Variants in MORN4 observed in about 807,000 individuals in gnomAD.
MORN4 encodes MORN repeat containing 4.
MORN4 carries 8 observed loss-of-function variants against 16.4 expected under a neutral mutation model. That is an observed-to-expected ratio of 0.49 (90% confidence interval 0.29 to 0.88). The LOEUF is 0.88. Ranked by LOEUF, MORN4 falls within the 40% of genes least tolerant of loss-of-function variation. The pLI, the probability that MORN4 is intolerant of heterozygous loss-of-function variation, is 0.09. For missense variants in MORN4, 159 were observed against 182.9 expected (o/e 0.87, Z 0.75); for synonymous variants, 53 against 68.9 (o/e 0.77, Z 1.14).
At chr10:97,628,032 A>G (rs2041362768) in intron 1 of MORN4, among the ~76,000 whole-genome samples, 1 of 152,218 alleles carries the variant, frequency 6.6e-6, no homozygotes, top group Non-Finnish European at 1.5e-5. Context: ...GCTTTCCAGT[A>G]CAGACGGGCA....
intron 1 of MORN4, among the ~76,000 whole-genome samples, chr10:97,630,422 A>G (rs2041386880): frequency 6.6e-6 from 1 of 152,220 alleles, no homozygotes; most frequent in Non-Finnish European, 1.5e-5. Flanking sequence ...TACAGCAATA[A>G]TAACTGGAAT....
intron 1 of MORN4, among the ~76,000 whole-genome samples, chr10:97,623,464 A>G (rs1467758828): frequency 6.6e-6 from 1 of 152,162 alleles, no homozygotes; most frequent in Non-Finnish European, 1.5e-5. Context: ...GTCCCCTCTG[A>G]TTAATAAGTA....
At position 97,619,637 on chromosome 10, in the gene MORN4, C is replaced by T. The variant is rs61731937; in HGVS notation, c.17G>A (p.Gly6Asp). ...CTCCCCACTGGAGTAGGTGAAGGAACCTTTTGTCAGGGTCATGGTGACAGA... is the reference window on the plus strand; with the variant it reads ...CTCCCCACTGGAGTAGGTGAAGGAATCTTTTGTCAGGGTCATGGTGACAGA... MTLTK[G>D]SFTYSSGEEY... Residue 6 changes from glycine to aspartate, a missense_variant, in exon 2 of 5, where the codon GGT becomes GAT. Gly to Asp is a moderately conservative substitution (Grantham distance 94). Coordinates refer to ENST00000307450, the MANE Select transcript of MORN4 (RefSeq NM_178832.4). The T allele has an allele frequency of 1.9e-5, 30 of 1,614,050 alleles. No individual in the cohort carries two copies. The East Asian group carries it at 2.0e-4, about 11-fold the overall frequency.
At position 97,633,461 on chromosome 10, in the gene MORN4, G is replaced by C. The variant is rs775051555; in HGVS notation, c.-145C>G. On this transcript the variant is annotated 5_prime_UTR_variant, in exon 1 of 5. It adds an upstream start codon to the 5' untranslated region. Transcript: ENST00000307450. The surrounding 1 kb of genome is among the most constrained non-coding windows in gnomAD (Gnocchi z 4.5). ...CTTGCTCTCCGCCACCTCCACCAGCGATTGCCCCACTTGACGCCGCCATCC... is the reference window on the plus strand; with the variant it reads ...CTTGCTCTCCGCCACCTCCACCAGCCATTGCCCCACTTGACGCCGCCATCC... 4.7e-6 allele frequency: 6 copies of C among 1,289,806 alleles called. No homozygotes were observed. In the East Asian group the frequency reaches 2.8e-4, roughly 60 times the overall value. The allele number at this position is 1,289,806 out of a possible 1,614,324, so 79.9% of individuals were successfully genotyped here.
rs2041413865 is a variant in MORN4, at chr10:97,633,346, C to A, written c.-31+1G>T. The A allele has an allele frequency of 7.8e-7, 1 of 1,289,546 alleles. No homozygotes were observed. The highest frequency in any genetic ancestry group is 1.5e-5 in the African/African-American group (1 of 65,890). 79.9% of individuals were successfully genotyped at this position (1,289,546 alleles called of 1,614,324 possible). On this transcript the variant is annotated splice_donor_variant, in intron 1 of 4. Coordinates refer to ENST00000307450, the MANE Select transcript of MORN4 (RefSeq NM_178832.4). LOFTEE classifies it low-confidence loss of function (5UTR_SPLICE). The surrounding 1 kb of genome is among the most constrained non-coding windows in gnomAD (Gnocchi z 4.5). Reference sequence around the variant, plus strand: ...CCCTCCCTCCTGCGCCTCCAGCCAACCTGGGGCCGGCCTTTCGGGATGACC... The same window carrying A: ...CCCTCCCTCCTGCGCCTCCAGCCAAACTGGGGCCGGCCTTTCGGGATGACC...
Position 97,615,167 on chromosome 10 carries a change from G to A in MORN4, c.*1096C>T, listed in dbSNP as rs2041225282. ...AAGACAGCCTGTCTTCTAAAGGGAG[G>A]AGGAAATAGCACTCTTACCGAATCC... On this transcript the variant is annotated 3_prime_UTR_variant, in exon 5 of 5. Coordinates refer to ENST00000307450, the MANE Select transcript of MORN4 (RefSeq NM_178832.4). 1 of 152,592 alleles carries A rather than the reference G, an allele frequency of 6.6e-6. No individual in the cohort carries two copies. Among genetic ancestry groups the A allele is most frequent in the Non-Finnish European group, 1.5e-5 (1 of 68,052 alleles). The allele number at this position is 152,592 out of a possible 1,614,324, so 9.5% of individuals were successfully genotyped here.
chr10:97,619,546 T>C, intron 2 of MORN4, 41 bp downstream of exon 2: 1 of 1,425,050 alleles, frequency 7.0e-7, no homozygotes. Context: ...CTCCAGCAAA[T>C]GAAGTGTTCA....
At chr10:97,617,861 AAAAC>A (rs894435432) in intron 2 of MORN4, among the ~76,000 whole-genome samples, 13 of 151,852 alleles carry the variant, frequency 8.6e-5, no homozygotes, top group African/African-American at 2.4e-4. Context: ...TCCGTCTCAA[AAAAC>A]AAACAAACAA....
chr10:97,615,756 A>T lies in MORN4; in HGVS notation c.*507T>A, dbSNP rs1393614669. On this transcript the variant is annotated 3_prime_UTR_variant, in exon 5 of 5. Transcript: ENST00000307450. ...AAAATAAAATAATAATAATAATAAT[A>T]AAAAAATTAAAAAAGAAAAGCTCTG... The T allele has an allele frequency of 6.6e-6, 1 of 151,534 alleles. No individual in the cohort carries two copies. Among genetic ancestry groups the T allele is most frequent in the African/African-American group, 2.4e-5 (1 of 41,370 alleles). 9.4% of individuals were successfully genotyped at this position (151,534 alleles called of 1,614,324 possible). A position where few individuals can be genotyped will look rare whatever the true frequency, so the allele number is the denominator to read the frequency against.
chr10:97,629,256 C>T lies in MORN4; in HGVS notation c.-31+4091G>A, dbSNP rs532395933. Among the ~76,000 whole-genome samples, 419 of 152,142 alleles carry T rather than the reference C, an allele frequency of 2.8e-3. 3 individuals carry two copies. Among genetic ancestry groups the T allele is most frequent in the African/African-American group, 9.8e-3 (405 of 41,522 alleles). ...TACAAAATTAGCTGGGTGTGGTGGC[C>T]CATGCCTGTAATCCCAGCTACTTGG... On this transcript the variant is annotated intron_variant, in intron 1 of 4. Transcript: ENST00000307450.
chr10:97,631,750 G>A (rs572496392), intron 1 of MORN4, among the ~76,000 whole-genome samples: 23 of 152,170 alleles, frequency 1.5e-4, no homozygotes, highest in Admixed American at 3.9e-4. Flanking sequence ...GCTGGGAAAC[G>A]TAGTGAGACC....
At position 97,628,972 on chromosome 10, in the gene MORN4, T is replaced by G. The variant is rs555861950; in HGVS notation, c.-31+4375A>C. 6.2e-4 allele frequency among the ~76,000 whole-genome samples: 94 copies of G among 152,382 alleles called. 4 individuals are homozygous for G. In the South Asian group the frequency reaches 0.019, roughly 31 times the overall value. ...TTCCAAGATGTTTGCAACAGTATCT[T>G]CTGTCTTACATGTTTGTCTACAATT... On this transcript the variant is annotated intron_variant, in intron 1 of 4. Transcript: ENST00000307450.
Position 97,617,267 on chromosome 10 carries a change from A to AC in MORN4, c.122dup (p.His42SerfsTer3). On this transcript the variant is annotated frameshift_variant, in exon 3 of 5. Transcript: ENST00000307450. LOFTEE classifies it high-confidence loss of function. ...CATTAAAGAGCCCATTCTCAAAATG[A>AC]CCCAGGTAGGTGCCACCATCTGCAA... The AC allele has an allele frequency of 6.2e-7, 1 of 1,614,196 alleles. No homozygotes were observed.
At chr10:97,616,526 A>T in intron 4 of MORN4, 115 bp from the exon 5 acceptor site, 1 of 1,297,486 alleles carries the variant, frequency 7.7e-7, no homozygotes, top group Non-Finnish European at 1.1e-6. Flanking sequence ...TCCCAGCTCT[A>T]CTCAGGAGTA....
rs149268788 is a variant in MORN4, at chr10:97,628,711, T to C, written c.-31+4636A>G. Reference sequence around the variant, plus strand: ...CACGGCCAGCTAATTTTCATATTTTTAGTAGAGATGGGGTTTCACTATGTT... The same window carrying C: ...CACGGCCAGCTAATTTTCATATTTTCAGTAGAGATGGGGTTTCACTATGTT... On this transcript the variant is annotated intron_variant, in intron 1 of 4. Transcript: ENST00000307450. 2.8e-3 allele frequency among the ~76,000 whole-genome samples: 432 copies of C among 152,270 alleles called. 3 individuals are homozygous for C. The highest frequency in any genetic ancestry group is 9.9e-3 in the African/African-American group (412 of 41,564).
At chr10:97,621,893 T>G (rs980676639) in intron 1 of MORN4, among the ~76,000 whole-genome samples, 7 of 152,094 alleles carry the variant, frequency 4.6e-5, no homozygotes, top group African/African-American at 9.7e-5. Flanking sequence ...GTTTATTTAT[T>G]CCTCCACCTG....
intron 1 of MORN4, among the ~76,000 whole-genome samples, chr10:97,623,982 C>T (rs192955712): frequency 6.0e-4 from 92 of 152,102 alleles, no homozygotes; most frequent in African/African-American, 1.9e-3. Context: ...GTGATCCGCC[C>T]GCCTTGGCCT....
intron 1 of MORN4, among the ~76,000 whole-genome samples, chr10:97,622,147 A>C (rs2041302735): frequency 6.6e-6 from 1 of 152,148 alleles, no homozygotes; most frequent in Admixed American, 6.6e-5. Context: ...CCCGGCCCCA[A>C]ACTAGCGACC....
At position 97,616,181 on chromosome 10, in the gene MORN4, C is replaced by T; in HGVS notation, c.*82G>A. 1 of 1,394,400 alleles carries T rather than the reference C, an allele frequency of 7.2e-7. No homozygotes were observed. The highest frequency in any genetic ancestry group is 9.6e-7 in the Non-Finnish European group (1 of 1,043,698). 86.4% of individuals were successfully genotyped at this position (1,394,400 alleles called of 1,614,324 possible). A position where few individuals can be genotyped will look rare whatever the true frequency, so the allele number is the denominator to read the frequency against. On this transcript the variant is annotated 3_prime_UTR_variant, in exon 5 of 5. Transcript: ENST00000307450. ...CACTGTCATTGTCAACTCATCTCAG[C>T]TCTGATTCATTTGTTCACCTCGAAT...
Sources: gnomAD v4.1 joint callset for allele counts (sites outside exome capture counted in the v4.1 genomes callset) on GRCh38, gnomAD v4.1.1 for gene constraint, Gnocchi (gnomAD v3.1) non-coding constraint, MANE v1.5 for transcripts, NCBI Gene and HGNC (gene_info 2026-07-23, HGNC 2026-07-21) for gene names.